Variants in MTRF1 observed in about 807,000 individuals in gnomAD.
MTRF1 encodes peptide chain release factor 1, mitochondrial.
Under a neutral mutation model 62.9 loss-of-function variants are expected in MTRF1, and 51 were observed. That is an observed-to-expected ratio of 0.81 (90% CI 0.65 to 1.02). The LOEUF (loss-of-function observed/expected upper bound fraction) is 1.02. MTRF1 is among the 50% of genes least tolerant of loss of function. MTRF1 has a pLI of 0.00. For synonymous variants in MTRF1, 158 were observed against 181.9 expected (o/e 0.87, Z 1.06); for missense variants, 446 against 530.0 (o/e 0.84, Z 1.56).
At chr13:41,266,430 G>A (rs1040271553), upstream of MTRF1, among the ~76,000 whole-genome samples, 4 of 151,830 alleles carry the variant, frequency 2.6e-5, no homozygotes, top group African/African-American at 4.8e-5. Flanking sequence ...TAGTCAACAC[G>A]GTGAAACCCT....
At chr13:41,244,680 TCG>T in intron 5 of MTRF1, among the ~76,000 whole-genome samples, 1 of 152,274 alleles carries the variant, frequency 6.6e-6, no homozygotes, top group African/African-American at 2.4e-5. Context: ...GAGAAACAGG[TCG>T]CTATGTTGGG....
the MTRF1 span, among the ~76,000 whole-genome samples, chr13:41,287,373 A>G: frequency 6.6e-6 from 1 of 152,228 alleles, no homozygotes; most frequent in Non-Finnish European, 1.5e-5. Flanking sequence ...ACTCAGAGCG[A>G]GAGCTCACTT....
chr13:41,225,829 A>G (rs2138722357), intron 8 of MTRF1, among the ~76,000 whole-genome samples: 1 of 143,796 alleles, frequency 7.0e-6, no homozygotes, highest in South Asian at 2.2e-4. Flanking sequence ...AAAAAAAAAG[A>G]ATTTAAATTA....
the MTRF1 span, among the ~76,000 whole-genome samples, chr13:41,300,316 G>A: frequency 2.6e-5 from 4 of 152,280 alleles, no homozygotes; most frequent in Admixed American, 2.0e-4. Context: ...GCTGGGAGCC[G>A]TGGCTCACGC....
At chr13:41,273,320 C>A in the MTRF1 span, among the ~76,000 whole-genome samples, 1 of 139,726 alleles carries the variant, frequency 7.2e-6, no homozygotes. Flanking sequence ...AGCGAGACTC[C>A]GTCTCAAAAA....
rs567489605 is a variant in MTRF1 at position 41,260,342 on chromosome 13, G to A, written c.415+151C>T. On this transcript the variant is annotated intron_variant, in intron 2 of 9. Coordinates refer to ENST00000379480, the MANE Select transcript of MTRF1 (RefSeq NM_004294.4). ...GCACTCCTGCCTGGGCAACAAGTGA[G>A]AACCTGCTTCTGTGGGAAAAAAAAA... is the stretch of plus-strand genomic sequence containing the variant. 1.5e-5 allele frequency: 12 copies of A among 789,688 alleles called. No homozygotes were observed. The South Asian group carries it at 2.1e-4, about 14-fold the overall frequency. The allele number at this position is 789,688 out of a possible 1,614,324, so 48.9% of individuals were successfully genotyped here.
chr13:41,289,023 G>A, the MTRF1 span, among the ~76,000 whole-genome samples: 13 of 152,132 alleles, frequency 8.5e-5, no homozygotes, highest in South Asian at 4.1e-4. Flanking sequence ...TACACAAGAC[G>A]TTGCTAAAGA....
At chr13:41,300,569 C>G in the MTRF1 span, among the ~76,000 whole-genome samples, 686 of 144,658 alleles carry the variant, frequency 4.7e-3, 5 homozygotes, top group Non-Finnish European at 7.3e-3. Context: ...CTGGGCGACA[C>G]AGCAAGACTC....
At chr13:41,248,413 C>T (rs142933200) in intron 5 of MTRF1, among the ~76,000 whole-genome samples, 43 of 152,364 alleles carry the variant, frequency 2.8e-4, no homozygotes, top group Non-Finnish European at 5.1e-4. Flanking sequence ...TAAGCCACTA[C>T]GCCCAGCCTC....
At position 41,257,800 on chromosome 13, in the gene MTRF1, A is replaced by AAAAGAAAC. The variant is rs538604626; in HGVS notation, c.415+2685_415+2692dup. 1.0e-4 allele frequency: 47 copies of AAAAGAAAC among 450,280 alleles called. 1 individual carries two copies. The highest frequency in any genetic ancestry group is 6.9e-4 in the South Asian group (44 of 63,700). The allele number at this position is 450,280 out of a possible 1,614,324, so 27.9% of individuals were successfully genotyped here. On this transcript the variant is annotated intron_variant, in intron 2 of 9. Coordinates refer to ENST00000379480, the MANE Select transcript of MTRF1 (RefSeq NM_004294.4). The stretch of plus-strand genomic sequence containing the variant: ...GCCACAGAGCAAGACTCTGTCTCTT[A>AAAAGAAAC]AAAGAAACAAAAAGGGGGAGGGGGA...
At chr13:41,296,096 A>G in the MTRF1 span, among the ~76,000 whole-genome samples, 3 of 152,108 alleles carry the variant, frequency 2.0e-5, no homozygotes, top group African/African-American at 7.2e-5. Context: ...GTAGTGTGTC[A>G]CCATGCCCAG....
chr13:41,251,387 A>G (rs1382221415), intron 5 of MTRF1, among the ~76,000 whole-genome samples: 2 of 152,116 alleles, frequency 1.3e-5, no homozygotes, highest in African/African-American at 4.8e-5. Context: ...TATTAATGCA[A>G]TTTTCAACAG....
chr13:41,242,480 G>A (rs1003887280), intron 5 of MTRF1, among the ~76,000 whole-genome samples: 2 of 152,152 alleles, frequency 1.3e-5, no homozygotes, highest in Non-Finnish European at 2.9e-5. Flanking sequence ...ACAATTTGGG[G>A]GCTAGGGTTG....
chr13:41,259,712 A>AAAAAAACAAAAAAAAACAAAC (rs1555268025), intron 2 of MTRF1, among the ~76,000 whole-genome samples: 1 of 136,714 alleles, frequency 7.3e-6, no homozygotes, highest in Non-Finnish European at 1.6e-5. Context: ...AAAAAAAAAA[A>AAAAAAACAAAAAAAAACAAAC]AAAAAAAAAC....
the MTRF1 span, among the ~76,000 whole-genome samples, chr13:41,277,643 C>G: frequency 1.3e-5 from 2 of 152,202 alleles, no homozygotes; most frequent in Non-Finnish European, 2.9e-5. Context: ...CTTAGCTCTT[C>G]AAAATCTATC....
chr13:41,311,222 T>G, the MTRF1 span: 2 of 496,376 alleles, frequency 4.0e-6, no homozygotes, highest in East Asian at 3.7e-5. Context: ...GCTCCGCGCA[T>G]GCGCACAGGA....
At chr13:41,241,622 C>T (rs1363292466) in intron 5 of MTRF1, among the ~76,000 whole-genome samples, 1 of 152,186 alleles carries the variant, frequency 6.6e-6, no homozygotes, top group Non-Finnish European at 1.5e-5. Flanking sequence ...TAGTCCTGCC[C>T]ATTTAAAAAT....
chr13:41,220,056 C>T (rs1288085705), intron 9 of MTRF1, among the ~76,000 whole-genome samples: 4 of 144,308 alleles, frequency 2.8e-5, no homozygotes, highest in Non-Finnish European at 4.5e-5. Flanking sequence ...GCTGGGGGCG[C>T]GGTGGCTCAG....
At chr13:41,252,774 A>G in intron 4 of MTRF1, 22 bp from the exon 5 acceptor site, 2 of 1,605,430 alleles carry the variant, frequency 1.2e-6, no homozygotes, top group East Asian at 4.5e-5. Context: ...TACGAAAAAT[A>G]TTTAGTCAGG....
Sources: allele counts gnomAD v4.1 joint callset (sites outside exome capture counted in the v4.1 genomes callset), GRCh38; gene constraint gnomAD v4.1.1; transcripts MANE v1.5; gene names NCBI Gene and HGNC (gene_info 2026-07-23, HGNC 2026-07-21).